The following LRRC63 variants were observed in gnomAD, a reference collection of about 807,000 sequenced individuals.
LRRC63 encodes leucine-rich repeat-containing protein 63.
LRRC63 carries 40 observed loss-of-function variants against 49.5 expected under a neutral mutation model. The observed-to-expected ratio is 0.81, with a 90% CI of 0.63 to 1.05. The LOEUF is 1.05. Among genes scored for constraint, LRRC63 ranks in the 50% least tolerant of loss-of-function variants. The probability of loss-of-function intolerance (pLI) is 0.00; values close to 1 mark genes in which losing one functional copy is unlikely to be tolerated. For missense variants in LRRC63, 636 were observed against 663.1 expected (o/e 0.96, Z 0.45); for synonymous variants, 191 against 221.1 (o/e 0.86, Z 1.21).
intron 9 of LRRC63, among the ~76,000 whole-genome samples, chr13:46,269,338 A>C (rs776788965): frequency 2.6e-5 from 4 of 152,194 alleles, no homozygotes; most frequent in Non-Finnish European, 4.4e-5. Context: ...TGGAAGAGAA[A>C]ACATAGTCCA....
intron 6 of LRRC63, among the ~76,000 whole-genome samples, chr13:46,248,140 A>G (rs1248373457): frequency 1.3e-5 from 2 of 152,088 alleles, no homozygotes; most frequent in African/African-American, 4.8e-5. Context: ...TACTGAAAAC[A>G]TTTATTGAAG....
At position 46,236,171 on chromosome 13, in the gene LRRC63, T is replaced by C. The variant is rs549158158; in HGVS notation, c.990+1822T>C. On this transcript the variant is annotated intron_variant, in intron 5 of 9. Coordinates refer to ENST00000595396, the Ensembl canonical transcript of LRRC63. Reference sequence around the variant, plus strand: ...AAATGAACACAACCTAAGGGACCTCTGGAACATCATCAAGTATACCAACAT... The same window carrying C: ...AAATGAACACAACCTAAGGGACCTCCGGAACATCATCAAGTATACCAACAT... Among the ~76,000 whole-genome samples the C allele has an allele frequency of 5.9e-5, 9 of 152,080 alleles. No individual in the cohort carries two copies. In the East Asian group the frequency reaches 1.5e-3, roughly 26 times the overall value.
chr13:46,256,122 A>C (rs1364728564), intron 7 of LRRC63, among the ~76,000 whole-genome samples: 1 of 152,236 alleles, frequency 6.6e-6, no homozygotes, highest in Non-Finnish European at 1.5e-5. Flanking sequence ...TTAACTAGGA[A>C]CGAAATTTGT....
At chr13:46,258,319 C>T (rs1390337438) in intron 7 of LRRC63, among the ~76,000 whole-genome samples, 16 of 149,896 alleles carry the variant, frequency 1.1e-4, no homozygotes, top group Non-Finnish European at 8.9e-5. Flanking sequence ...TTAGTAGAGA[C>T]GGGGTTTCAC....
chr13:46,230,908 A>G lies in LRRC63; in HGVS notation c.832+2175A>G, dbSNP rs925692084. On this transcript the variant is annotated intron_variant, in intron 4 of 9. Coordinates refer to ENST00000595396, the Ensembl canonical transcript of LRRC63. ...GCTTTGCTGCTTAGAAATTTCTTCTATCAGATACCCCAAGTCATCACTCTG... is the reference window on the plus strand; with the variant it reads ...GCTTTGCTGCTTAGAAATTTCTTCTGTCAGATACCCCAAGTCATCACTCTG... 5.9e-5 allele frequency among the ~76,000 whole-genome samples: 9 copies of G among 152,228 alleles called. 1 individual carries two copies. Among genetic ancestry groups the G allele is most frequent in the Non-Finnish European group, 1.3e-4 (9 of 68,046 alleles).
At position 46,228,153 on chromosome 13, in the gene LRRC63, G is replaced by C. The variant is rs1378658802; in HGVS notation, c.727G>C (p.Val243Leu). The change falls in exon 3 of 10, where the codon GTT becomes CTT. Residue 243 changes from valine to leucine, a missense_variant. Val to Leu is a conservative substitution (Grantham distance 32). Transcript: ENST00000595396. ...AGGTTTTGTTTCCTTGCCAACACCA[G>C]TTTTACCAAGAAAACCTCACAGGCA... 2.6e-6 allele frequency: 4 copies of C among 1,549,736 alleles called. No individual in the cohort carries two copies. In the South Asian group the frequency reaches 4.8e-5, roughly 18 times the overall value.
At chr13:46,266,754 T>C in exon 9 of LRRC63, 1 of 1,547,810 alleles carries the variant, frequency 6.5e-7, no homozygotes, top group South Asian at 1.2e-5. Context: ...AACTGACTGT[T>C]GATGGGAATG....
chr13:46,257,653 CAA>C (rs2047536088), intron 7 of LRRC63, among the ~76,000 whole-genome samples: 1 of 152,094 alleles, frequency 6.6e-6, no homozygotes, highest in Non-Finnish European at 1.5e-5. Flanking sequence ...GACACTGGAA[CAA>C]AGTGGGGGTT....
intron 9 of LRRC63, among the ~76,000 whole-genome samples, chr13:46,268,133 A>G (rs931576993): frequency 6.6e-6 from 1 of 152,212 alleles, no homozygotes; most frequent in Non-Finnish European, 1.5e-5. Flanking sequence ...CTAGGATATG[A>G]GTATTGCAAC....
At chr13:46,240,563 G>A (rs1274469417) in intron 5 of LRRC63, among the ~76,000 whole-genome samples, 1 of 152,158 alleles carries the variant, frequency 6.6e-6, no homozygotes, top group Admixed American at 6.5e-5. Context: ...CAAATGGCAT[G>A]ATCCCATGTC....
intron 9 of LRRC63, among the ~76,000 whole-genome samples, chr13:46,273,241 G>A (rs1202088257): frequency 6.6e-6 from 1 of 152,024 alleles, no homozygotes; most frequent in Non-Finnish European, 1.5e-5. Context: ...CCAGAAAGAG[G>A]AAACAAAATG....
At chr13:46,275,439 A>G (rs1465223246) in intron 9 of LRRC63, among the ~76,000 whole-genome samples, 1 of 152,044 alleles carries the variant, frequency 6.6e-6, no homozygotes, top group East Asian at 1.9e-4. Flanking sequence ...TACCACTGAA[A>G]CTGTGTAAGA....
At position 46,220,998 on chromosome 13, in the gene LRRC63, A is replaced by G. The variant is rs745573258; in HGVS notation, c.86-6514A>G. On this transcript the variant is annotated intron_variant, in intron 2 of 9. Coordinates refer to ENST00000595396, the Ensembl canonical transcript of LRRC63. The stretch of plus-strand genomic sequence containing the variant: ...CTGCCTTTTTCTTTTCTCCCATAGT[A>G]TTCCATACTTACTCCTACGCACCAC... Among the ~76,000 whole-genome samples, 29 of 152,092 alleles carry G rather than the reference A, an allele frequency of 1.9e-4. 1 individual carries two copies. The highest frequency in any genetic ancestry group is 3.7e-4 in the Non-Finnish European group (25 of 68,024).
Position 46,234,112 on chromosome 13 carries a change from A to G in LRRC63, c.833-80A>G, listed in dbSNP as rs1213574946. On this transcript the variant is annotated intron_variant, in intron 4 of 9. Coordinates refer to ENST00000595396, the Ensembl canonical transcript of LRRC63. ...GTCCTTAGGGTAACTCAATATTATC[A>G]TAAGATAAATACCTCTTAACTTTCA... 8.4e-6 allele frequency: 11 copies of G among 1,305,476 alleles called. No homozygotes were observed. The South Asian group carries it at 1.0e-4, about 12-fold the overall frequency. 80.9% of individuals were successfully genotyped at this position (1,305,476 alleles called of 1,614,324 possible).
chr13:46,228,632 C>A (rs2046648372), intron 3 of LRRC63, 33 bp from the exon 4 acceptor site: 3 of 1,290,906 alleles, frequency 2.3e-6, no homozygotes, highest in African/African-American at 1.5e-5. Context: ...TACAAATATC[C>A]AAAGTCATCC....
chr13:46,242,772 A>G (rs2047100546), intron 5 of LRRC63, among the ~76,000 whole-genome samples: 2 of 151,842 alleles, frequency 1.3e-5, no homozygotes, highest in African/African-American at 4.8e-5. Context: ...AAAAAAAAAA[A>G]ACAAAAAACC....
chr13:46,214,794 G>A (rs1295124496), intron 2 of LRRC63, among the ~76,000 whole-genome samples: 1 of 152,122 alleles, frequency 6.6e-6, no homozygotes, highest in African/African-American at 2.4e-5. Flanking sequence ...CCTGGTGTGT[G>A]TTGTTCCCCA....
intron 2 of LRRC63, among the ~76,000 whole-genome samples, chr13:46,216,917 TTTATG>T (rs2046267480): frequency 6.6e-6 from 1 of 151,986 alleles, no homozygotes; most frequent in Non-Finnish European, 1.5e-5. Context: ...ATTGATTTGA[TTTATG>T]TATGTTGAAC....
At chr13:46,224,522 T>G (rs888904804) in intron 2 of LRRC63, among the ~76,000 whole-genome samples, 2 of 152,214 alleles carry the variant, frequency 1.3e-5, no homozygotes, top group Non-Finnish European at 2.9e-5. Context: ...TAACTGAGCT[T>G]CTTTAAAATT....
Sources: gnomAD v4.1 joint callset for allele counts (sites outside exome capture counted in the v4.1 genomes callset) on GRCh38, gnomAD v4.1.1 for gene constraint, MANE v1.5 for transcripts, NCBI Gene and HGNC (gene_info 2026-07-23, HGNC 2026-07-21) for gene names.